SLMAP: variants seen among roughly 807,000 people sequenced by gnomAD.
SLMAP encodes sarcolemma associated protein, also known as sarcolemmal membrane-associated protein.
Under a neutral mutation model 128.8 loss-of-function variants are expected in SLMAP, and 44 were observed. The observed-to-expected ratio is 0.34, with a 90% CI of 0.27 to 0.44. The LOEUF (loss-of-function observed/expected upper bound fraction) is 0.44. SLMAP is among the 20% of genes least tolerant of loss of function. The probability of loss-of-function intolerance (pLI) is 1.00; values close to 1 mark genes in which losing one functional copy is unlikely to be tolerated. For missense variants in SLMAP, 787 were observed against 985.3 expected (o/e 0.80, Z 2.69); for synonymous variants, 327 against 348.8 (o/e 0.94, Z 0.70).
intron 14 of SLMAP, among the ~76,000 whole-genome samples, chr3:57,881,170 G>A (rs1448068031): frequency 1.3e-5 from 2 of 151,812 alleles, no homozygotes; most frequent in Non-Finnish European, 2.9e-5. Context: ...CTCCAGCCTG[G>A]ATGACAGAGC....
chr3:57,917,174 G>A, intron 22 of SLMAP, 97 bp downstream of exon 22: 2 of 1,573,030 alleles, frequency 1.3e-6, no homozygotes, highest in Admixed American at 1.8e-5. Context: ...GGAAGCAGAA[G>A]TCACATTACC....
chr3:57,910,360 T>C (rs2096664556), intron 19 of SLMAP, among the ~76,000 whole-genome samples: 1 of 152,114 alleles, frequency 6.6e-6, no homozygotes, highest in African/African-American at 2.4e-5. Context: ...ATTTTTGTAT[T>C]TTTAGCAGAG....
chr3:57,768,488 G>A (rs2153439991), intron 2 of SLMAP, among the ~76,000 whole-genome samples: 1 of 152,306 alleles, frequency 6.6e-6, no homozygotes, highest in Middle Eastern at 3.4e-3. Context: ...GGAGGCTGAG[G>A]CAGGAAGATT....
chr3:57,896,217 T>C, intron 15 of SLMAP: 1 of 1,094,934 alleles, frequency 9.1e-7, no homozygotes, highest in Non-Finnish European at 1.1e-6. Context: ...TTGAATACTT[T>C]AGCAAAGCTT....
At chr3:57,814,290 A>C (rs1403810620) in intron 2 of SLMAP, among the ~76,000 whole-genome samples, 1 of 151,940 alleles carries the variant, frequency 6.6e-6, no homozygotes, top group African/African-American at 2.4e-5. Context: ...CCTGGGCTCA[A>C]GCGGTCCTCA....
At position 57,824,612 on chromosome 3, in the gene SLMAP, C is replaced by G. The variant is rs76009561; in HGVS notation, c.199-6771C>G. 3.4e-3 allele frequency among the ~76,000 whole-genome samples: 518 copies of G among 152,248 alleles called. 2 individuals carry two copies. The highest frequency in any genetic ancestry group is 0.011 in the African/African-American group (464 of 41,562). ...GGTTCTATTCCATTGATCTTTATATCTGTCCGTATGCCGGTAACACAATGT... is the reference window on the plus strand; with the variant it reads ...GGTTCTATTCCATTGATCTTTATATGTGTCCGTATGCCGGTAACACAATGT... On this transcript the variant is annotated intron_variant, in intron 2 of 24. Coordinates refer to ENST00000671191, the MANE Select transcript of SLMAP (RefSeq NM_001377540.1).
At chr3:57,890,827 T>C (rs1193563074) in intron 15 of SLMAP, 1 of 152,226 alleles carries the variant, frequency 6.6e-6, no homozygotes, top group Non-Finnish European at 1.5e-5. Context: ...TTTTGGCCAA[T>C]TAAAACATTG....
intron 14 of SLMAP, among the ~76,000 whole-genome samples, chr3:57,882,396 G>A (rs1220984907): frequency 6.6e-6 from 1 of 152,214 alleles, no homozygotes; most frequent in Non-Finnish European, 1.5e-5. Context: ...TAGTAATGTG[G>A]CTGAACAGAT....
chr3:57,917,497 T>C (rs925547715), intron 22 of SLMAP: 2 of 178,456 alleles, frequency 1.1e-5, no homozygotes, highest in African/African-American at 2.4e-5. Context: ...ATTCACCTCA[T>C]AGCCAGGCAG....
intron 17 of SLMAP, chr3:57,897,704 A>AT (rs2096274530): frequency 6.6e-6 from 1 of 152,020 alleles, no homozygotes; most frequent in African/African-American, 2.4e-5. Context: ...AAAAAAAAAA[A>AT]TGAAAAAAAG....
chr3:57,850,714 AC>A (rs2094469356), intron 6 of SLMAP, among the ~76,000 whole-genome samples: 1 of 151,968 alleles, frequency 6.6e-6, no homozygotes. Flanking sequence ...GCTCACTACA[AC>A]CTCTGCCTCC....
At chr3:57,823,514 C>T (rs1259416727) in intron 2 of SLMAP, among the ~76,000 whole-genome samples, 1 of 152,162 alleles carries the variant, frequency 6.6e-6, no homozygotes, top group Non-Finnish European at 1.5e-5. Context: ...ATGATGGTTT[C>T]CAGCTTCATC....
At chr3:57,759,295 G>A (rs1288522229) in intron 2 of SLMAP, among the ~76,000 whole-genome samples, 1 of 115,758 alleles carries the variant, frequency 8.6e-6, no homozygotes, top group Non-Finnish European at 1.8e-5. Context: ...TTTTTTTTTT[G>A]AGACAGATTT....
At chr3:57,840,762 A>C (rs1390955743) in intron 3 of SLMAP, among the ~76,000 whole-genome samples, 1 of 152,222 alleles carries the variant, frequency 6.6e-6, no homozygotes, top group African/African-American at 2.4e-5. Flanking sequence ...AACAATTCTG[A>C]TACTTAATAG....
intron 2 of SLMAP, among the ~76,000 whole-genome samples, chr3:57,814,692 G>A (rs1186494431): frequency 6.6e-6 from 1 of 152,034 alleles, no homozygotes; most frequent in Non-Finnish European, 1.5e-5. Context: ...CTTCACTTAG[G>A]GCTGGGTGCA....
chr3:57,828,737 T>C (rs2093110258), intron 2 of SLMAP, among the ~76,000 whole-genome samples: 1 of 152,114 alleles, frequency 6.6e-6, no homozygotes, highest in Non-Finnish European at 1.5e-5. Context: ...GACGGTAATA[T>C]AGACATGTCA....
chr3:57,882,001 C>T, intron 14 of SLMAP, among the ~76,000 whole-genome samples: 1 of 151,484 alleles, frequency 6.6e-6, no homozygotes, highest in East Asian at 1.9e-4. Context: ...AGCAAGATGC[C>T]ATATCTTAAA....
At position 57,777,386 on chromosome 3, in the gene SLMAP, T is replaced by C. The variant is rs569504301; in HGVS notation, c.198+19537T>C. ...AGGAAGCATACATTGAGGGAAAAGA[T>C]TAATACATTCAAATACATTAAAAAT... is the stretch of plus-strand genomic sequence containing the variant. On this transcript the variant is annotated intron_variant, in intron 2 of 24. Coordinates refer to ENST00000671191, the MANE Select transcript of SLMAP (RefSeq NM_001377540.1). 2.6e-5 allele frequency among the ~76,000 whole-genome samples: 4 copies of C among 152,140 alleles called. No homozygotes were observed. In the East Asian group the frequency reaches 5.8e-4, roughly 22 times the overall value.
chr3:57,812,926 G>C (rs1279857506), intron 2 of SLMAP, among the ~76,000 whole-genome samples: 1 of 151,024 alleles, frequency 6.6e-6, no homozygotes, highest in African/African-American at 2.4e-5. Flanking sequence ...ATTGTTCATT[G>C]TTTAGTGTAT....
Sources: gnomAD v4.1 joint callset for allele counts (sites outside exome capture counted in the v4.1 genomes callset) on GRCh38, gnomAD v4.1.1 for gene constraint, MANE v1.5 for transcripts, NCBI Gene and HGNC (gene_info 2026-07-23, HGNC 2026-07-21) for gene names.